RPS3A: variants seen among roughly 807,000 people sequenced by gnomAD.
RPS3A encodes ribosomal protein S3A.
RPS3A carries 1 observed loss-of-function variant against 26.4 expected under a neutral mutation model. The observed-to-expected ratio is 0.04, with a 90% CI of 0.01 to 0.18. RPS3A has a LOEUF of 0.18. RPS3A is among the 10% of genes least tolerant of loss of function. RPS3A has a pLI of 1.00. For missense variants in RPS3A, 139 were observed against 326.8 expected, an observed-to-expected ratio of 0.43 and a Z score of 4.43; for synonymous variants, 97 against 106.1, an observed-to-expected ratio of 0.91 and a Z score of 0.53.
chr4:151,104,343 G>A, intron 5 of RPS3A, 57 bp downstream of exon 5: 4 of 1,580,878 alleles, frequency 2.5e-6, no homozygotes, highest in Non-Finnish European at 3.4e-6. Flanking sequence ...TTGGGTGGAG[G>A]AGGAGTGTGG....
intron 2 of RPS3A, 35 bp downstream of exon 2, chr4:151,100,623 A>T (rs748049746): frequency 1.6e-6 from 2 of 1,264,468 alleles, no homozygotes; most frequent in South Asian, 1.2e-5. Context: ...ATTTTCCTTA[A>T]GTTGGCGCTT....
chr4:151,100,958 G>GA lies in RPS3A; in HGVS notation c.167-17_167-16insA. 1 of 1,555,954 alleles carries GA rather than the reference G, an allele frequency of 6.4e-7. No individual in the cohort carries two copies. Among genetic ancestry groups the GA allele is most frequent in the Non-Finnish European group, 8.7e-7 (1 of 1,150,012 alleles). On this transcript the variant is annotated splice_polypyrimidine_tract_variant and intron_variant, in intron 2 of 5. Transcript: ENST00000274065. ...ATGGTTCCTAAATGTTAAGATACTT[G>GA]TTTTTTTCTTTTGTAGAAATTGCAT... is the stretch of plus-strand genomic sequence containing the variant.
chr4:151,104,121 G>GCTTAT (rs3830541), intron 4 of RPS3A, 56 bp from the exon 5 acceptor site: 1,443,356 of 1,564,204 alleles, frequency 0.92, 670,138 homozygotes, highest in Non-Finnish European at 0.95. Flanking sequence ...AAAGGAAATG[G>GCTTAT]CTTATATCTG....
At chr4:151,103,158 C>G in intron 4 of RPS3A, 79 bp downstream of exon 4, 1 of 1,517,316 alleles carries the variant, frequency 6.6e-7, no homozygotes, top group African/African-American at 1.4e-5. Flanking sequence ...GCATATGAGA[C>G]AAGGTAAAGG....
chr4:151,104,445 T>TTTTG, intron 5 of RPS3A, 27 bp from the exon 6 acceptor site: 5 of 1,349,338 alleles, frequency 3.7e-6, no homozygotes, highest in Middle Eastern at 2.7e-4. Flanking sequence ...TTTGGTTTTT[T>TTTTG]TTTTTTTTTT....
intron 5 of RPS3A, 33 bp from the exon 6 acceptor site, chr4:151,104,439 G>GTTTTTGTT: frequency 1.4e-6 from 1 of 710,328 alleles, no homozygotes; most frequent in Non-Finnish European, 1.8e-6. Context: ...CAGTTTTTTG[G>GTTTTTGTT]TTTTTTTTTT....
At chr4:151,104,439 G>GTTTTTTTTGTTTTTT in intron 5 of RPS3A, 33 bp from the exon 6 acceptor site, 1 of 710,326 alleles carries the variant, frequency 1.4e-6, no homozygotes. Context: ...CAGTTTTTTG[G>GTTTTTTTTGTTTTTT]TTTTTTTTTT....
chr4:151,099,846 C>G, intron 1 of RPS3A, 132 bp downstream of exon 1: 1 of 987,860 alleles, frequency 1.0e-6, no homozygotes, highest in East Asian at 2.6e-5. Context: ...GGTTGGTGCA[C>G]CCAGGAACGC....
chr4:151,104,484 T>C lies in RPS3A; in HGVS notation c.686T>C (p.Met229Thr), dbSNP rs1323582317. 5.9e-6 allele frequency: 6 copies of C among 1,010,498 alleles called. No homozygotes were observed. The highest frequency in any genetic ancestry group is 8.4e-6 in the Non-Finnish European group (6 of 711,478). 62.6% of individuals were successfully genotyped at this position (1,010,498 alleles called of 1,614,324 possible). ...TTTTGCCTTTTAGTGGGAAAGCTCA[T>C]GGAGCTTCATGGTGAAGGCAGTAGT... is the stretch of plus-strand genomic sequence containing the variant. Reference protein sequence around the residue: ...KKPKFELGKLMELHGEGSSSG... With the variant: ...KKPKFELGKLTELHGEGSSSG... The change falls in exon 6 of 6, where the codon ATG becomes ACG. Residue 229 changes from methionine to threonine, a missense_variant. By Grantham distance (81) the Met-to-Thr change is moderately conservative. Around this residue, in one of 3 missense-constraint regions of RPS3A, gnomAD observed 96 missense variants for 209.8 expected, o/e 0.46. Transcript: ENST00000274065.
chr4:151,102,209 T>TA (rs965616508), intron 3 of RPS3A: 2 of 328,994 alleles, frequency 6.1e-6, no homozygotes, highest in African/African-American at 2.3e-5. Context: ...AGTTTTTTTT[T>TA]ATACTAAGGT....
Position 151,100,994 on chromosome 4 carries a change from C to G in RPS3A, c.186C>G (p.Leu62=). Residue 62 remains leucine (L), a synonymous_variant, in exon 3 of 6, where the codon CTC becomes CTG. Transcript: ENST00000274065. The stretch of plus-strand genomic sequence containing the variant: ...TTGTAGAAATTGCATCTGATGGTCT[C>G]AAGGGTCGTGTGTTTGAAGTGAGTC... ...TQGTKIASDG[L]KGRVFEVSLA... is the part of the protein sequence containing the mutation. The G allele has an allele frequency of 1.3e-6, 2 of 1,582,454 alleles. No individual in the cohort carries two copies.
intron 3 of RPS3A, 67 bp downstream of exon 3, chr4:151,101,229 G>T (rs969592142): frequency 2.3e-6 from 2 of 878,294 alleles, no homozygotes; most frequent in South Asian, 2.2e-5. Context: ...ATGGTTTGAT[G>T]ACTGGAAGGA....
chr4:151,099,652 C>T lies in RPS3A; in HGVS notation c.-1C>T, dbSNP rs763552585. On this transcript the variant is annotated 5_prime_UTR_variant, in exon 1 of 6. Coordinates refer to ENST00000274065, the MANE Select transcript of RPS3A (RefSeq NM_001006.5). ...GCCCTTTTGGCTCTCTGACCAGCAC[C>T]ATGGCGGTTGGCAAGAACAAGCGCC... The T allele has an allele frequency of 4.3e-6, 7 of 1,613,906 alleles. No homozygotes were observed. The East Asian group carries it at 6.7e-5, about 15-fold the overall frequency.
intron 1 of RPS3A, chr4:151,099,994 T>C: frequency 1.6e-6 from 1 of 640,658 alleles, no homozygotes; most frequent in Admixed American, 2.1e-5. Context: ...ACGAGCTGCC[T>C]CAATTCTGCG....
intron 3 of RPS3A, chr4:151,102,098 C>G (rs1031229232): frequency 5.8e-6 from 3 of 517,372 alleles, no homozygotes; most frequent in African/African-American, 5.8e-5. Flanking sequence ...ATGATACATA[C>G]TGATTATACC....
At chr4:151,103,272 C>A in intron 4 of RPS3A, 193 bp downstream of exon 4, 1 of 1,128,698 alleles carries the variant, frequency 8.9e-7, no homozygotes, top group Non-Finnish European at 1.2e-6. Context: ...TTATTTGAGT[C>A]AGAGTCTTGC....
intron 4 of RPS3A, chr4:151,103,412 C>T (rs1747216672): frequency 1.5e-6 from 1 of 671,048 alleles, no homozygotes; most frequent in African/African-American, 1.9e-5. Flanking sequence ...TGCCACCATA[C>T]CCAGCTAATT....
In RPS3A at chr4:151,104,452, T is replaced by TTG. The variant is rs1747280283; in HGVS notation, c.674-19_674-18insGT. Reference sequence around the variant, plus strand: ...AACAGTTTTTTGGTTTTTTTTTTTTTTTTTTTTTTTGCCTTTTAGTGGGAA... The same window carrying TTG: ...AACAGTTTTTTGGTTTTTTTTTTTTTTGTTTTTTTTTTGCCTTTTAGTGGGAA... On this transcript the variant is annotated intron_variant, in intron 5 of 5. Transcript: ENST00000274065. 1.4e-6 allele frequency: 2 copies of TTG among 1,405,318 alleles called. No homozygotes were observed. The highest frequency in any genetic ancestry group is 3.0e-5 in the African/African-American group (2 of 66,692). The allele number at this position is 1,405,318 out of a possible 1,614,324, so 87.1% of individuals were successfully genotyped here.
intron 3 of RPS3A, among the ~76,000 whole-genome samples, chr4:151,102,361 C>T (rs1443439218): frequency 6.6e-6 from 1 of 152,050 alleles, no homozygotes; most frequent in Non-Finnish European, 1.5e-5. Flanking sequence ...GGTATTTAAT[C>T]ATCAGCATGG....
Sources: gnomAD v4.1 joint callset for allele counts (sites outside exome capture counted in the v4.1 genomes callset) on GRCh38, gnomAD v4.1.1 for gene constraint, gnomAD v4.1.1 regional missense constraint, MANE v1.5 for transcripts, NCBI Gene and HGNC (gene_info 2026-07-23, HGNC 2026-07-21) for gene names.